Variants in SH3PXD2A observed in about 807,000 individuals in gnomAD.
SH3PXD2A encodes the protein SH3 and PX domains 2A, also known as SH3 and PX domain-containing protein 2A.
A neutral mutation model predicts 115.2 loss-of-function variants in SH3PXD2A; 32 were observed. The observed-to-expected ratio is 0.28, with a 90% CI of 0.21 to 0.37. SH3PXD2A has a LOEUF of 0.37. Among genes scored for constraint, SH3PXD2A ranks in the 10% least tolerant of loss-of-function variants. SH3PXD2A has a pLI of 1.00. For synonymous variants in SH3PXD2A, 610 were observed against 629.1 expected, an observed-to-expected ratio of 0.97 and a Z score of 0.45; for missense variants, 1,328 against 1,498.7, an observed-to-expected ratio of 0.89 and a Z score of 1.88.
chr10:103,635,604 C>T (rs975386654), intron 8 of SH3PXD2A, among the ~76,000 whole-genome samples: 7 of 152,252 alleles, frequency 4.6e-5, no homozygotes, highest in African/African-American at 1.7e-4. Flanking sequence ...ACCCCAGGTA[C>T]ACACGGTGTG....
intron 1 of SH3PXD2A, among the ~76,000 whole-genome samples, chr10:103,829,407 C>T (rs10883920): frequency 0.17 from 26,031 of 152,050 alleles, 3,030 homozygotes; most frequent in East Asian, 0.45. Context: ...GCAATAAAGG[C>T]GACTAAAATG....
rs367962631 is a variant in SH3PXD2A, at chr10:103,674,815, G to C, written c.428-6163C>G. On this transcript the variant is annotated intron_variant, in intron 6 of 14. Transcript: ENST00000369774. ...AGCCTGGACAACAGAGCAAGGCTCT[G>C]TCTCTTAAAAACAAACAAACAAACA... 2.4e-3 allele frequency among the ~76,000 whole-genome samples: 360 copies of C among 150,982 alleles called. 2 individuals carry two copies. The highest frequency in any genetic ancestry group is 8.5e-3 in the African/African-American group (348 of 40,862).
At chr10:103,696,970 T>C (rs1450453386) in intron 5 of SH3PXD2A, among the ~76,000 whole-genome samples, 1 of 151,994 alleles carries the variant, frequency 6.6e-6, no homozygotes, top group Non-Finnish European at 1.5e-5. Flanking sequence ...CAGCACTCCA[T>C]CCCTCCCCAT....
chr10:103,788,205 T>A (rs2038998863), intron 2 of SH3PXD2A, among the ~76,000 whole-genome samples: 1 of 152,216 alleles, frequency 6.6e-6, no homozygotes, highest in South Asian at 2.1e-4. Flanking sequence ...AGGCTCATCT[T>A]CACATCCCAC....
chr10:103,617,469 G>C (rs1301045085), intron 10 of SH3PXD2A, among the ~76,000 whole-genome samples, 155 bp from the exon 11 acceptor site: 12 of 152,212 alleles, frequency 7.9e-5, no homozygotes, highest in African/African-American at 2.9e-4. Context: ...GGAAGGACCA[G>C]GCCCCAGAGG....
In SH3PXD2A at chr10:103,806,183, G is replaced by A. The variant is rs573099147; in HGVS notation, c.73-4821C>T. Among the ~76,000 whole-genome samples, 77 of 152,204 alleles carry A rather than the reference G, an allele frequency of 5.1e-4. 1 individual carries two copies. In the Middle Eastern group the frequency reaches 0.01, roughly 20 times the overall value. On this transcript the variant is annotated intron_variant, in intron 1 of 14. Transcript: ENST00000369774. ...CCATTCCCAGGTTCTCCCAAACTTC[G>A]GGGATTTGCCAGAGGCCCCCCAGCC...
intron 8 of SH3PXD2A, among the ~76,000 whole-genome samples, chr10:103,634,188 C>G (rs2036830863): frequency 6.6e-6 from 1 of 152,228 alleles, no homozygotes; most frequent in Admixed American, 6.5e-5. Flanking sequence ...GCAGGACTTA[C>G]ATGGAAGGCT....
intron 3 of SH3PXD2A, among the ~76,000 whole-genome samples, chr10:103,762,014 CTTTT>C (rs79615908): frequency 1.7e-4 from 15 of 90,684 alleles, no homozygotes; most frequent in Admixed American, 3.7e-4. Context: ...ATCAACACGT[CTTTT>C]TTTTTTTTTT....
intron 5 of SH3PXD2A, among the ~76,000 whole-genome samples, chr10:103,713,518 C>T (rs1274354323): frequency 6.6e-6 from 1 of 152,178 alleles, no homozygotes; most frequent in Non-Finnish European, 1.5e-5. Context: ...AAATTTCTTT[C>T]AATCCTTGAA....
chr10:103,708,748 C>T (rs1490272718), intron 5 of SH3PXD2A, among the ~76,000 whole-genome samples: 1 of 152,182 alleles, frequency 6.6e-6, no homozygotes, highest in Non-Finnish European at 1.5e-5. Flanking sequence ...CCTGAATTTC[C>T]TTGAATTATT....
At chr10:103,748,961 T>C (rs1316634501) in intron 3 of SH3PXD2A, among the ~76,000 whole-genome samples, 1 of 151,734 alleles carries the variant, frequency 6.6e-6, no homozygotes, top group East Asian at 1.9e-4. Flanking sequence ...GAAGTCTTTC[T>C]TTCTTTCTTC....
At chr10:103,691,076 G>A (rs1192610891) in intron 6 of SH3PXD2A, among the ~76,000 whole-genome samples, 1 of 152,082 alleles carries the variant, frequency 6.6e-6, no homozygotes, top group Non-Finnish European at 1.5e-5. Context: ...AGAGATTGTG[G>A]CGGGGGACCT....
At chr10:103,682,334 C>T (rs544935850) in intron 6 of SH3PXD2A, among the ~76,000 whole-genome samples, 6 of 152,376 alleles carry the variant, frequency 3.9e-5, no homozygotes, top group African/African-American at 1.4e-4. Flanking sequence ...ATCGCATCAC[C>T]GCCACGTGGG....
chr10:103,672,311 C>T (rs1457259842), intron 6 of SH3PXD2A, among the ~76,000 whole-genome samples: 1 of 152,174 alleles, frequency 6.6e-6, no homozygotes, highest in Non-Finnish European at 1.5e-5. Context: ...CTCCGGGCCT[C>T]AGTGCTCACA....
rs546941336 is a variant in SH3PXD2A, at chr10:103,637,902, AG to A, written c.605-10701del. Among the ~76,000 whole-genome samples, 31 of 152,178 alleles carry A rather than the reference AG, an allele frequency of 2.0e-4. No individual in the cohort carries two copies. In the South Asian group the frequency reaches 6.4e-3, roughly 32 times the overall value. On this transcript the variant is annotated intron_variant, in intron 8 of 14. Transcript: ENST00000369774. ...TTCCCATGACCTCCAGGCAGAGCTAAGGCTTCTGCCTTTGTGGAACCAGAGA... is the reference window on the plus strand; with the variant it reads ...TTCCCATGACCTCCAGGCAGAGCTAAGCTTCTGCCTTTGTGGAACCAGAGA...
intron 3 of SH3PXD2A, among the ~76,000 whole-genome samples, chr10:103,759,210 T>C (rs1026855867): frequency 3.3e-5 from 5 of 152,202 alleles, no homozygotes; most frequent in South Asian, 4.1e-4. Context: ...CCCTCTGCAC[T>C]GTGGCTCCAA....
chr10:103,693,039 T>C lies in SH3PXD2A; in HGVS notation c.416A>G (p.Lys139Arg). Residue 139 changes from lysine (K) to arginine (R), a missense_variant, in exon 6 of 15, where the codon AAG (lysine) becomes AGG (arginine). Physicochemically the swap from Lys to Arg is conservative, Grantham distance 26. Coordinates refer to ENST00000369774, the MANE Select transcript of SH3PXD2A (RefSeq NM_001394015.1). ...NPPKEDYGSS[K>R]RKSVWLSSWA... ...GGAGGCTCCCTTACCTGATTTCCTC[T>C]TGGAACTGCCATAGTCCCTGAAAAA... is the stretch of plus-strand genomic sequence containing the variant. 4 of 1,613,118 alleles carry C rather than the reference T, an allele frequency of 2.5e-6. No individual in the cohort carries two copies. Among genetic ancestry groups the C allele is most frequent in the Non-Finnish European group, 3.4e-6 (4 of 1,179,372 alleles).
chr10:103,652,716 G>A (rs554727531), intron 8 of SH3PXD2A, among the ~76,000 whole-genome samples: 2 of 152,282 alleles, frequency 1.3e-5, no homozygotes, highest in South Asian at 2.1e-4. Flanking sequence ...GCCGGGGAGG[G>A]GGGTGAGAGA....
At chr10:103,621,608 C>T (rs913435120) in intron 10 of SH3PXD2A, among the ~76,000 whole-genome samples, 3 of 152,204 alleles carry the variant, frequency 2.0e-5, no homozygotes, top group South Asian at 4.1e-4. Context: ...CTCTCTGTGC[C>T]GTCACTGTGA....
Sources: allele counts gnomAD v4.1 joint callset (sites outside exome capture counted in the v4.1 genomes callset), GRCh38; gene constraint gnomAD v4.1.1; transcripts MANE v1.5; gene names NCBI Gene and HGNC (gene_info 2026-07-23, HGNC 2026-07-21).